TMPRSS15: variants seen among roughly 807,000 people sequenced by gnomAD.
TMPRSS15 encodes the protein transmembrane serine protease 15.
In TMPRSS15, 128 loss-of-function variants were observed where a neutral mutation model predicts 125.3. That is an observed-to-expected ratio of 1.02 (90% CI 0.89 to 1.18). TMPRSS15 has a LOEUF of 1.18. TMPRSS15 is among the 50% of genes most tolerant of loss of function. The pLI, the probability that TMPRSS15 is intolerant of heterozygous loss-of-function variation, is 0.00. For missense variants in TMPRSS15, 1,283 were observed against 1,212.7 expected (o/e 1.06, Z -0.86); for synonymous variants, 446 against 423.2 (o/e 1.05, Z -0.66).
intron 21 of TMPRSS15, among the ~76,000 whole-genome samples, chr21:18,292,093 A>G (rs1286224203): frequency 1.3e-5 from 2 of 152,244 alleles, no homozygotes; most frequent in African/African-American, 2.4e-5. Context: ...ATCAACACCC[A>G]TAACAATATA....
chr21:18,431,952 T>G (rs900181398), intron 1 of TMPRSS15, among the ~76,000 whole-genome samples: 1 of 152,214 alleles, frequency 6.6e-6, no homozygotes, highest in Non-Finnish European at 1.5e-5. Context: ...GTCAATGACT[T>G]TCTTTTACTT....
chr21:18,350,397 T>A (rs766587343), intron 10 of TMPRSS15, among the ~76,000 whole-genome samples: 2 of 152,166 alleles, frequency 1.3e-5, no homozygotes, highest in Non-Finnish European at 2.9e-5. Context: ...AGTTAAAAAC[T>A]ATATTCAGAA....
chr21:18,326,942 T>C (rs967792465), intron 15 of TMPRSS15, among the ~76,000 whole-genome samples: 1 of 152,228 alleles, frequency 6.6e-6, no homozygotes, highest in African/African-American at 2.4e-5. Context: ...TACTAAATTT[T>C]TGACCAAACA....
At chr21:18,407,076 AT>A (rs2076153786), upstream of TMPRSS15, among the ~76,000 whole-genome samples, 1 of 152,172 alleles carries the variant, frequency 6.6e-6, no homozygotes, top group South Asian at 2.1e-4. Flanking sequence ...AAAGAAAATC[AT>A]TTGTTTAGTG....
intron 16 of TMPRSS15, among the ~76,000 whole-genome samples, chr21:18,317,901 T>TCCCAC (rs2075188890): frequency 7.5e-5 from 9 of 119,498 alleles, no homozygotes; most frequent in South Asian, 5.7e-4. Flanking sequence ...TCCCATCCCA[T>TCCCAC]CCCATCCTAT....
At chr21:18,485,827 A>C (rs961244024) in exon 1 of TMPRSS15, 2 of 158,566 alleles carry the variant, frequency 1.3e-5, no homozygotes, top group African/African-American at 2.4e-5. Flanking sequence ...AGGCCTCACA[A>C]TCATGGCAGA....
intron 1 of TMPRSS15, among the ~76,000 whole-genome samples, chr21:18,462,864 C>G (rs975940644): frequency 6.6e-6 from 1 of 152,118 alleles, no homozygotes; most frequent in African/African-American, 2.4e-5. Context: ...GATCTCTCAG[C>G]AGAAACTCTA....
At chr21:18,402,701 C>G (rs2076107880) in intron 1 of TMPRSS15, among the ~76,000 whole-genome samples, 1 of 152,032 alleles carries the variant, frequency 6.6e-6, no homozygotes, top group Non-Finnish European at 1.5e-5. Flanking sequence ...GTAAGATGGA[C>G]TATAAGTTCC....
rs376625481 is a variant in TMPRSS15 at position 18,432,634 on chromosome 21, G to C, written c.11-34305C>G. Among the ~76,000 whole-genome samples, 18 of 152,286 alleles carry C rather than the reference G, an allele frequency of 1.2e-4. No individual in the cohort carries two copies. In the East Asian group the frequency reaches 2.5e-3, roughly 21 times the overall value. On this transcript the variant is annotated intron_variant, in intron 1 of 7. Coordinates refer to the TMPRSS15 transcript ENST00000422787. Reference sequence around the variant, plus strand: ...TGGAGTTATGCTTCCATACGCTAAAGAAAGCATCAGGCTACCAGGAGTCGG... The same window carrying C: ...TGGAGTTATGCTTCCATACGCTAAACAAAGCATCAGGCTACCAGGAGTCGG...
In TMPRSS15 at chr21:18,275,278, G is replaced by GCAT; in HGVS notation, c.2820_2822dup (p.Arg940_Cys941insTer). On this transcript the variant is annotated stop_gained, in exon 24 of 25. Transcript: ENST00000284885. LOFTEE classifies it high-confidence loss of function. Reference sequence around the variant, plus strand: ...TGTTATATTCTGGCATCTGCTGTTGGCATCTCTCATTTGATAGAAGAGGAA... The same window carrying GCAT: ...TGTTATATTCTGGCATCTGCTGTTGGCATCATCTCTCATTTGATAGAAGAGGAA... 1 of 1,613,930 alleles carries GCAT rather than the reference G, an allele frequency of 6.2e-7. No individual in the cohort carries two copies. Among genetic ancestry groups the GCAT allele is most frequent in the Non-Finnish European group, 8.5e-7 (1 of 1,179,958 alleles).
At chr21:18,306,077 G>T (rs546739908) in intron 18 of TMPRSS15, among the ~76,000 whole-genome samples, 15 of 152,118 alleles carry the variant, frequency 9.9e-5, no homozygotes, top group Non-Finnish European at 1.9e-4. Flanking sequence ...ATTTATTTCT[G>T]TGTAAAGTTA....
Position 18,292,440 on chromosome 21 carries a change from T to C in TMPRSS15, c.2486+1830A>G, listed in dbSNP as rs997089. Among the ~76,000 whole-genome samples, 387 of 152,302 alleles carry C rather than the reference T, an allele frequency of 2.5e-3. 2 individuals carry two copies. Among genetic ancestry groups the C allele is most frequent in the African/African-American group, 8.9e-3 (371 of 41,556 alleles). On this transcript the variant is annotated intron_variant, in intron 21 of 24. Coordinates refer to ENST00000284885, the MANE Select transcript of TMPRSS15 (RefSeq NM_002772.3). ...CTGGATTCCTTTTCTCTGGTAACAATTGGACATGTGTTTATACTAGGTAAA... is the reference window on the plus strand; with the variant it reads ...CTGGATTCCTTTTCTCTGGTAACAACTGGACATGTGTTTATACTAGGTAAA...
chr21:18,468,936 G>A (rs376113389), intron 1 of TMPRSS15, among the ~76,000 whole-genome samples: 33 of 152,272 alleles, frequency 2.2e-4, no homozygotes, highest in Admixed American at 1.7e-3. Context: ...GTACGCAGGC[G>A]TAGTCATAAG....
At chr21:18,312,276 C>A (rs1194904133) in intron 18 of TMPRSS15, among the ~76,000 whole-genome samples, 1 of 151,752 alleles carries the variant, frequency 6.6e-6, no homozygotes, top group Non-Finnish European at 1.5e-5. Context: ...AGGTAAAAAA[C>A]AAATATGGCG....
chr21:18,353,478 A>C (rs996181869), intron 9 of TMPRSS15, among the ~76,000 whole-genome samples: 8 of 151,904 alleles, frequency 5.3e-5, no homozygotes, highest in Admixed American at 2.6e-4. Flanking sequence ...GCAGCAAATA[A>C]AATTTTAATT....
chr21:18,428,922 A>C (rs13051730), intron 1 of TMPRSS15, among the ~76,000 whole-genome samples: 46,890 of 152,016 alleles, frequency 0.31, 9,138 homozygotes, highest in Middle Eastern at 0.46. Context: ...AACAGCTTGC[A>C]CTGTTCACCT....
At chr21:18,296,088 G>A (rs1369850587) in intron 19 of TMPRSS15, among the ~76,000 whole-genome samples, 1 of 152,186 alleles carries the variant, frequency 6.6e-6, no homozygotes, top group Non-Finnish European at 1.5e-5. Flanking sequence ...GGGAGGTGGA[G>A]CTTGCAGTGA....
chr21:18,402,092 G>T (rs1421657693), intron 1 of TMPRSS15, among the ~76,000 whole-genome samples: 1 of 152,060 alleles, frequency 6.6e-6, no homozygotes, highest in Non-Finnish European at 1.5e-5. Context: ...CCGTGTGTAT[G>T]TCTATAGTTT....
chr21:18,398,720 G>A (rs1352270230), intron 1 of TMPRSS15, among the ~76,000 whole-genome samples: 1 of 152,100 alleles, frequency 6.6e-6, no homozygotes, highest in Non-Finnish European at 1.5e-5. Context: ...TAAAAGTTTT[G>A]TAGTTGCTTT....
Sources: gnomAD v4.1 joint callset for allele counts (sites outside exome capture counted in the v4.1 genomes callset) on GRCh38, gnomAD v4.1.1 for gene constraint, MANE v1.5 for transcripts, NCBI Gene and HGNC (gene_info 2026-07-23, HGNC 2026-07-21) for gene names.